The following GARRE1 variants were observed in gnomAD, a reference collection of about 807,000 sequenced individuals.
GARRE1 encodes the protein granule associated Rac and RHOG effector protein 1.
A neutral mutation model predicts 103.2 loss-of-function variants in GARRE1; 49 were observed. The ratio of observed to expected loss-of-function variants is 0.47; its 90% CI spans 0.38 to 0.60. The LOEUF (loss-of-function observed/expected upper bound fraction) is 0.60, where lower values mean the gene tolerates loss of function less well. GARRE1 is among the 20% of genes least tolerant of loss of function. GARRE1 has a pLI of 0.00. For synonymous variants in GARRE1, 505 were observed against 532.8 expected (o/e 0.95, Z 0.72); for missense variants, 1,199 against 1,370.5 (o/e 0.87, Z 1.98).
chr19:34,304,893 G>A (rs902003134), intron 2 of GARRE1, among the ~76,000 whole-genome samples: 11 of 151,638 alleles, frequency 7.3e-5, no homozygotes, highest in Admixed American at 1.3e-4. Context: ...CCAGGTTCAC[G>A]CTGTTCTCCT....
At position 34,302,276 on chromosome 19, in the gene GARRE1, G is replaced by T. The variant is rs185313101; in HGVS notation, c.495+1308G>T. Among the ~76,000 whole-genome samples the T allele has an allele frequency of 4.2e-3, 580 of 138,558 alleles. 1 individual carries two copies. The highest frequency in any genetic ancestry group is 0.015 in the African/African-American group (550 of 36,874). The allele number at this position is 138,558 out of a possible 152,430, so 90.9% of individuals were successfully genotyped here. ...CAAAGTGCTGGGATTACAGGCAGGA[G>T]CCACCGCGCCCAGCCGTTTTTTTTT... On this transcript the variant is annotated intron_variant, in intron 2 of 13. Transcript: ENST00000299505.
At chr19:34,301,982 CTTTTTTTTTT>C (rs35417822) in intron 2 of GARRE1, among the ~76,000 whole-genome samples, 18 of 50,060 alleles carry the variant, frequency 3.6e-4, no homozygotes, top group Middle Eastern at 0.018. Flanking sequence ...TGCGCCCAGC[CTTTTTTTTTT>C]TTTTTTTTTT....
intron 1 of GARRE1, among the ~76,000 whole-genome samples, chr19:34,290,897 TTTTTTTTTTTTTTTTTTTTTTTTTTTTG>T (rs1200103331): frequency 5.2e-3 from 111 of 21,508 alleles, no homozygotes; most frequent in Non-Finnish European, 0.018. Flanking sequence ...TTTTTTTTTT[TTTTTTTTTTTTTTTTTTTTTTTTTTTTG>T]AGACAGAGTC....
Position 34,328,129 on chromosome 19 carries a change from C to A in GARRE1, c.1082C>A (p.Ala361Asp). Residue 361 changes from alanine to aspartate, a missense_variant, in exon 6 of 14, where the codon GCC becomes GAC. Ala to Asp is a moderately radical substitution (Grantham distance 126). Coordinates refer to ENST00000299505, the MANE Select transcript of GARRE1 (RefSeq NM_014686.5). ...GGCGTCTCCTTTAATGAGTCGGCCG[C>A]CGACAATCTGAAACTTAAGACGGTA... is the stretch of plus-strand genomic sequence containing the variant. Reference protein sequence around the residue: ...LKGVSFNESAADNLKLKTHTM... With the variant: ...LKGVSFNESADDNLKLKTHTM... 2 of 1,613,996 alleles carry A rather than the reference C, an allele frequency of 1.2e-6. No homozygotes were observed. The highest frequency in any genetic ancestry group is 1.3e-5 in the African/African-American group (1 of 75,018).
In GARRE1 at chr19:34,264,264, C is replaced by T. The variant is rs550113262; in HGVS notation, c.-796+9650C>T. ...GATGGTTGTTAAATATGGGTAATTT[C>T]TAGAGGGAAAATAACACAAAGGGAC... On this transcript the variant is annotated intron_variant, in intron 1 of 13. Coordinates refer to ENST00000299505, the MANE Select transcript of GARRE1 (RefSeq NM_014686.5). Among the ~76,000 whole-genome samples the T allele has an allele frequency of 7.2e-5, 11 of 152,232 alleles. No individual in the cohort carries two copies. In the South Asian group the frequency reaches 2.3e-3, roughly 32 times the overall value.
At chr19:34,296,248 C>T in intron 1 of GARRE1, 1 of 636,246 alleles carries the variant, frequency 1.6e-6, no homozygotes, top group Non-Finnish European at 2.8e-6. Context: ...AGCAGTCCTT[C>T]TGTTCTCACA....
chr19:34,311,604 A>AT (rs71165647), intron 2 of GARRE1, among the ~76,000 whole-genome samples: 154 of 151,474 alleles, frequency 1.0e-3, no homozygotes, highest in Admixed American at 2.1e-3. Flanking sequence ...AATAAACATA[A>AT]TTTTTTTTTC....
chr19:34,348,284 A>C (rs2074221892), intron 11 of GARRE1: 1 of 356,812 alleles, frequency 2.8e-6, no homozygotes, highest in South Asian at 1.4e-4. Flanking sequence ...CATGATTTTC[A>C]AAACAGACTC....
chr19:34,307,704 T>C (rs1346952622), intron 2 of GARRE1, among the ~76,000 whole-genome samples: 1 of 133,518 alleles, frequency 7.5e-6, no homozygotes, highest in East Asian at 2.1e-4. Flanking sequence ...TATACATATA[T>C]ACTTATATAT....
chr19:34,316,836 A>G (rs1229470142), intron 2 of GARRE1, among the ~76,000 whole-genome samples: 4 of 152,226 alleles, frequency 2.6e-5, no homozygotes, highest in Admixed American at 1.3e-4. Context: ...ATAGGAAAGA[A>G]GCTTAGGTTA....
intron 10 of GARRE1, among the ~76,000 whole-genome samples, chr19:34,345,130 G>T (rs79334212): frequency 0.041 from 6,271 of 151,838 alleles, 376 homozygotes; most frequent in African/African-American, 0.14. Flanking sequence ...GAGCCACCGC[G>T]CCCATAGAGA....
At chr19:34,308,952 C>T (rs2074024242) in intron 2 of GARRE1, among the ~76,000 whole-genome samples, 1 of 152,038 alleles carries the variant, frequency 6.6e-6, no homozygotes. Context: ...AGGCCTTCCG[C>T]ACCCAAATCT....
chr19:34,296,550 A>G, intron 1 of GARRE1: 1 of 1,594,988 alleles, frequency 6.3e-7, no homozygotes, highest in Admixed American at 1.7e-5. Flanking sequence ...ACGTGCACTC[A>G]TGGCCTTGGC....
At chr19:34,301,152 A>G (rs1050726393) in intron 2 of GARRE1, among the ~76,000 whole-genome samples, 184 bp downstream of exon 2, 2 of 152,128 alleles carry the variant, frequency 1.3e-5, no homozygotes, top group Non-Finnish European at 2.9e-5. Context: ...CAAATTCAGT[A>G]GGTTAAGGGT....
In GARRE1 at chr19:34,353,906, T is replaced by G. The variant is rs900894344; in HGVS notation, c.*951T>G. 6.6e-6 allele frequency: 1 copy of G among 152,550 alleles called. No individual in the cohort carries two copies. Among genetic ancestry groups the G allele is most frequent in the Non-Finnish European group, 1.5e-5 (1 of 68,036 alleles). 9.4% of individuals were successfully genotyped at this position (152,550 alleles called of 1,614,324 possible). A position where few individuals can be genotyped will look rare whatever the true frequency, so the allele number is the denominator to read the frequency against. On this transcript the variant is annotated 3_prime_UTR_variant, in exon 14 of 14. Coordinates refer to ENST00000299505, the MANE Select transcript of GARRE1 (RefSeq NM_014686.5). Reference sequence around the variant, plus strand: ...AACCAATTAAGATGTAGATAGAAATTAATTTAAGGTCTTTTCTTAAAAAAA... The same window carrying G: ...AACCAATTAAGATGTAGATAGAAATGAATTTAAGGTCTTTTCTTAAAAAAA...
chr19:34,305,120 A>G (rs1476362729), intron 2 of GARRE1, among the ~76,000 whole-genome samples: 2 of 152,210 alleles, frequency 1.3e-5, no homozygotes, highest in Non-Finnish European at 2.9e-5. Flanking sequence ...TTAAAAATTC[A>G]ACACATAAAA....
chr19:34,325,162 G>C (rs1170574624), intron 3 of GARRE1, among the ~76,000 whole-genome samples: 1 of 152,136 alleles, frequency 6.6e-6, no homozygotes, highest in East Asian at 1.9e-4. Context: ...TCTTCATCTA[G>C]TTTACTGGCT....
intron 2 of GARRE1, among the ~76,000 whole-genome samples, chr19:34,314,530 A>G (rs528230977): frequency 6.6e-6 from 1 of 152,360 alleles, no homozygotes; most frequent in Admixed American, 6.5e-5. Context: ...TGCTTTGCCC[A>G]TGAAATATGA....
intron 1 of GARRE1, among the ~76,000 whole-genome samples, chr19:34,270,332 G>A (rs1042880332): frequency 5.3e-5 from 8 of 152,232 alleles, no homozygotes; most frequent in African/African-American, 1.9e-4. Flanking sequence ...CATGTCCTCA[G>A]CCTTGTGGGT....
Sources: gnomAD v4.1 joint callset for allele counts (sites outside exome capture counted in the v4.1 genomes callset) on GRCh38, gnomAD v4.1.1 for gene constraint, MANE v1.5 for transcripts, NCBI Gene and HGNC (gene_info 2026-07-23, HGNC 2026-07-21) for gene names.